Variants in ABL1 observed in about 807,000 individuals in gnomAD.
ABL1 encodes tyrosine-protein kinase ABL1.
In ABL1, 11 loss-of-function variants were observed where a neutral mutation model predicts 94.7. The ratio of observed to expected loss-of-function variants is 0.12; its 90% CI spans 0.07 to 0.19. ABL1 has a LOEUF of 0.19. Ranked by LOEUF, ABL1 falls within the 10% of genes least tolerant of loss-of-function variation. The pLI is 1.00. For missense variants in ABL1, 1,082 were observed against 1,489.4 expected (o/e 0.73, Z 4.50); for synonymous variants, 656 against 622.4 (o/e 1.05, Z -0.80).
At position 130,878,447 on chromosome 9, in the gene ABL1, T is replaced by C; in HGVS notation, c.1303T>C (p.Tyr435His). 1 of 1,614,234 alleles carries C rather than the reference T, an allele frequency of 6.2e-7. No individual in the cohort carries two copies. Among genetic ancestry groups the C allele is most frequent in the Non-Finnish European group, 8.5e-7 (1 of 1,180,040 alleles). The change falls in exon 8 of 11, where the codon TAT becomes CAT. Residue 435 changes from tyrosine (Y) to histidine (H), a missense_variant. Physicochemically the swap from Tyr to His is moderately conservative, Grantham distance 83. This residue lies in a region of ABL1 where 76 missense variants were observed against 177.1 expected (regional missense o/e 0.43). Transcript: ENST00000318560. ...AGTATTGCTTTGGGAAATTGCTACC[T>C]ATGGCATGTCCCCTTACCCGGGAAT... ...FGVLLWEIAT[Y>H]GMSPYPGIDL... is the part of the protein sequence containing the mutation.
intron 7 of ABL1, among the ~76,000 whole-genome samples, chr9:130,877,788 ACAC>A (rs1831373979): frequency 7.0e-6 from 1 of 141,986 alleles, no homozygotes; most frequent in Non-Finnish European, 1.5e-5. Flanking sequence ...CTACTGGCGT[ACAC>A]CACCACACCT....
intron 1 of ABL1, among the ~76,000 whole-genome samples, chr9:130,797,090 G>T (rs1829984748): frequency 6.7e-6 from 1 of 149,684 alleles, no homozygotes; most frequent in Non-Finnish European, 1.5e-5. Flanking sequence ...ACAAAAATTA[G>T]CCAGGCACGG....
In ABL1 at chr9:130,885,380, C is replaced by T. The variant is rs1192138720; in HGVS notation, c.3090C>T (p.Gly1030=). 13 of 1,613,548 alleles carry T rather than the reference C, an allele frequency of 8.1e-6. No individual in the cohort carries two copies. The highest frequency in any genetic ancestry group is 4.0e-5 in the African/African-American group (3 of 74,942). Residue 1030 remains glycine, a synonymous_variant, in exon 11 of 11, where the codon GGC becomes GGT. Coordinates refer to ENST00000318560, the MANE Select transcript of ABL1 (RefSeq NM_005157.6). ...TCGCCAGCGGCGCCATCACCAAGGGCGTGGTCCTGGACAGCACCGAGGCGC... is the reference window on the plus strand; with the variant it reads ...TCGCCAGCGGCGCCATCACCAAGGGTGTGGTCCTGGACAGCACCGAGGCGC... The part of the protein sequence containing the change: ...ERIASGAITK[G]VVLDSTEALC...
At chr9:130,747,267 A>G (rs1738076081) in intron 1 of ABL1, among the ~76,000 whole-genome samples, 1 of 152,184 alleles carries the variant, frequency 6.6e-6, no homozygotes, top group Non-Finnish European at 1.5e-5. Flanking sequence ...AGTCCCAGCT[A>G]CATGGGAGGT....
chr9:130,733,767 T>A (rs1287771038), intron 1 of ABL1, among the ~76,000 whole-genome samples: 1 of 151,856 alleles, frequency 6.6e-6, no homozygotes, highest in Non-Finnish European at 1.5e-5. Flanking sequence ...ACTTTTTGTA[T>A]TTTTAGTAGA....
At chr9:130,742,411 A>C (rs910165308) in intron 1 of ABL1, among the ~76,000 whole-genome samples, 4 of 152,166 alleles carry the variant, frequency 2.6e-5, no homozygotes, top group Admixed American at 1.3e-4. Flanking sequence ...CCTCTCCTGA[A>C]GTGCATTGGG....
intron 1 of ABL1, among the ~76,000 whole-genome samples, chr9:130,763,889 A>C (rs577470725): frequency 6.6e-6 from 1 of 152,214 alleles, no homozygotes; most frequent in Non-Finnish European, 1.5e-5. Context: ...GAGGCTTGCC[A>C]CTCGCTGCCT....
intron 1 of ABL1, among the ~76,000 whole-genome samples, chr9:130,780,011 C>T (rs1258192200): frequency 2.6e-5 from 4 of 152,112 alleles, no homozygotes; most frequent in South Asian, 2.1e-4. Flanking sequence ...CTGGGCCGGG[C>T]GCGGTGGCTC....
intron 3 of ABL1, 110 bp downstream of exon 3, chr9:130,855,206 A>T (rs1339888515): frequency 7.7e-7 from 1 of 1,305,532 alleles, no homozygotes; most frequent in Admixed American, 2.2e-5. Context: ...AAGATGTTTA[A>T]AGAATCTTTC....
At chr9:130,830,750 C>G (rs1564303016), upstream of ABL1, among the ~76,000 whole-genome samples, 2 of 152,152 alleles carry the variant, frequency 1.3e-5, no homozygotes, top group African/African-American at 4.8e-5. Context: ...CTACATGATT[C>G]CTAATCTTCA....
intron 1 of ABL1, among the ~76,000 whole-genome samples, chr9:130,823,368 G>A (rs1830388388): frequency 6.6e-6 from 1 of 152,006 alleles, no homozygotes; most frequent in African/African-American, 2.4e-5. Context: ...ATTGATTTGG[G>A]GAATTCTTAG....
At chr9:130,777,405 G>A (rs1270789772) in intron 1 of ABL1, among the ~76,000 whole-genome samples, 1 of 151,600 alleles carries the variant, frequency 6.6e-6, no homozygotes, top group Non-Finnish European at 1.5e-5. Context: ...CACTGCATTA[G>A]TACCTTCTAG....
At chr9:130,850,166 G>T (rs1049009751) in intron 1 of ABL1, among the ~76,000 whole-genome samples, 4 of 152,212 alleles carry the variant, frequency 2.6e-5, no homozygotes, top group African/African-American at 4.8e-5. Flanking sequence ...GGTTCTTTCA[G>T]ATATAGCTGT....
chr9:130,835,409 G>C lies in ABL1; in HGVS notation c.-38G>C. 7.1e-7 allele frequency: 1 copy of C among 1,418,156 alleles called. No homozygotes were observed. Among genetic ancestry groups the C allele is most frequent in the Non-Finnish European group, 9.3e-7 (1 of 1,069,870 alleles). 87.8% of individuals were successfully genotyped at this position (1,418,156 alleles called of 1,614,324 possible). On this transcript the variant is annotated 5_prime_UTR_variant, in exon 1 of 11. Coordinates refer to ENST00000318560, the MANE Select transcript of ABL1 (RefSeq NM_005157.6). This position sits in a 1 kb window ranked among gnomAD's most constrained non-coding sequence, Gnocchi z 4.6. ...GAGCCGGGCCCGCGGACCGAGCTGG[G>C]AGAGGGGTTCCGGCCCCCGACGTGC... is the stretch of plus-strand genomic sequence containing the variant.
chr9:130,771,435 A>G (rs535898538), intron 1 of ABL1, among the ~76,000 whole-genome samples: 1 of 152,280 alleles, frequency 6.6e-6, no homozygotes, highest in Admixed American at 6.5e-5. Flanking sequence ...GATAACTTAT[A>G]CAGATGCCAA....
chr9:130,756,883 C>T (rs1332179897), intron 1 of ABL1, among the ~76,000 whole-genome samples: 2 of 152,124 alleles, frequency 1.3e-5, no homozygotes, highest in Non-Finnish European at 2.9e-5. Flanking sequence ...GCCTTGAGCT[C>T]ATGGTTTGGA....
At chr9:130,876,482 A>T (rs1831346039) in intron 7 of ABL1, among the ~76,000 whole-genome samples, 1 of 149,782 alleles carries the variant, frequency 6.7e-6, no homozygotes. Context: ...CAGTAGCATG[A>T]TCTCGGCTCA....
At chr9:130,787,642 C>G (rs1214102899) in intron 1 of ABL1, among the ~76,000 whole-genome samples, 1 of 152,124 alleles carries the variant, frequency 6.6e-6, no homozygotes, top group Non-Finnish European at 1.5e-5. Context: ...GGTGCTCTCT[C>G]CAGCCTCGTG....
chr9:130,716,502 G>A, intron 1 of ABL1, among the ~76,000 whole-genome samples: 2 of 152,220 alleles, frequency 1.3e-5, no homozygotes, highest in Admixed American at 1.3e-4. Context: ...AAAAAGGGGG[G>A]TATGCATCAA....
Sources: allele counts gnomAD v4.1 joint callset (sites outside exome capture counted in the v4.1 genomes callset), GRCh38; gene constraint gnomAD v4.1.1; regional missense constraint gnomAD v4.1.1; non-coding constraint Gnocchi (gnomAD v3.1); transcripts MANE v1.5; gene names NCBI Gene and HGNC (gene_info 2026-07-23, HGNC 2026-07-21).